Variants in RXRA observed in about 807,000 individuals in gnomAD.
RXRA encodes retinoid X receptor alpha.
A neutral mutation model predicts 44.5 loss-of-function variants in RXRA; 5 were observed. The observed-to-expected ratio is 0.11, with a 90% CI of 0.06 to 0.24. The LOEUF (loss-of-function observed/expected upper bound fraction) is 0.24. Ranked by LOEUF, RXRA falls within the 10% of genes least tolerant of loss-of-function variation. The probability of loss-of-function intolerance (pLI) is 1.00; values close to 1 mark genes in which losing one functional copy is unlikely to be tolerated. For synonymous variants in RXRA, 291 were observed against 271.4 expected (o/e 1.07, Z -0.71); for missense variants, 412 against 646.5 (o/e 0.64, Z 3.93).
intron 4 of RXRA, among the ~76,000 whole-genome samples, chr9:134,413,808 T>A (rs1483399262): frequency 1.3e-5 from 2 of 152,144 alleles, no homozygotes; most frequent in African/African-American, 4.8e-5. Context: ...CTAGGCCAGC[T>A]TGTCTCTGGG....
intron 1 of RXRA, among the ~76,000 whole-genome samples, chr9:134,395,600 C>T (rs1461852023): frequency 3.3e-5 from 5 of 152,224 alleles, no homozygotes; most frequent in Admixed American, 2.0e-4. Flanking sequence ...TTCTGGGGCA[C>T]CCCTGGCTCA....
At chr9:134,425,735 G>C (rs1293009209) in intron 6 of RXRA, 1 of 985,260 alleles carries the variant, frequency 1.0e-6, no homozygotes, top group Non-Finnish European at 1.2e-6. Flanking sequence ...CACAGGGTAA[G>C]CCAGGCTGGG....
intron 1 of RXRA, among the ~76,000 whole-genome samples, chr9:134,396,248 C>T: frequency 6.6e-6 from 1 of 152,174 alleles, no homozygotes; most frequent in East Asian, 1.9e-4. Flanking sequence ...GCCCGCCCCA[C>T]CCTAGTTCCT....
intron 6 of RXRA, 39 bp from the exon 7 acceptor site, chr9:134,429,069 G>A (rs749908153): frequency 1.1e-5 from 18 of 1,611,174 alleles, no homozygotes; most frequent in Non-Finnish European, 5.1e-6. Context: ...GCCCCGTGGG[G>A]CCTGGAGACA....
chr9:134,430,851 G>A (rs1287986792), intron 7 of RXRA, among the ~76,000 whole-genome samples: 1 of 152,224 alleles, frequency 6.6e-6, no homozygotes, highest in Non-Finnish European at 1.5e-5. Flanking sequence ...AGAGGCCCCG[G>A]CATTTCCTCG....
chr9:134,374,711 C>A (rs1830531536), intron 1 of RXRA, among the ~76,000 whole-genome samples: 1 of 152,248 alleles, frequency 6.6e-6, no homozygotes, highest in African/African-American at 2.4e-5. Context: ...TGCCTCCTGG[C>A]GACTTCCTTC....
chr9:134,390,942 C>T (rs1588282369), intron 1 of RXRA, among the ~76,000 whole-genome samples: 1 of 152,176 alleles, frequency 6.6e-6, no homozygotes, highest in Non-Finnish European at 1.5e-5. Context: ...AAAGCCGGCA[C>T]CAGCTGGAGA....
At chr9:134,387,854 T>C (rs1322483244) in intron 1 of RXRA, among the ~76,000 whole-genome samples, 3 of 152,098 alleles carry the variant, frequency 2.0e-5, no homozygotes, top group African/African-American at 7.2e-5. Context: ...CTGTCTGGAG[T>C]GATCGTGAAG....
At chr9:134,380,649 C>G (rs565344883) in intron 1 of RXRA, among the ~76,000 whole-genome samples, 1 of 152,172 alleles carries the variant, frequency 6.6e-6, no homozygotes, top group African/African-American at 2.4e-5. Context: ...CAGGCCTTGG[C>G]CCTCCTATTG....
rs1044326432 is a variant in RXRA at position 134,366,264 on chromosome 9, C to A, written c.29-35368C>A. 2.3e-4 allele frequency among the ~76,000 whole-genome samples: 35 copies of A among 152,064 alleles called. No homozygotes were observed. Among genetic ancestry groups the A allele is most frequent in the African/African-American group, 8.0e-4 (33 of 41,394 alleles). On this transcript the variant is annotated intron_variant, in intron 1 of 9. Coordinates refer to ENST00000481739, the MANE Select transcript of RXRA (RefSeq NM_002957.6). This position sits in a 1 kb window ranked among gnomAD's most constrained non-coding sequence, Gnocchi z 5.9. ...GCACAGGTGCCCGCTGGGTGGTCTC[C>A]CATGTGTGCCCAGGAGGAGTGCCAC...
chr9:134,338,424 A>G (rs955831616), intron 1 of RXRA, among the ~76,000 whole-genome samples: 1 of 152,242 alleles, frequency 6.6e-6, no homozygotes, highest in Non-Finnish European at 1.5e-5. Flanking sequence ...ACGGGCCTCC[A>G]GCCCAAGTGG....
At chr9:134,418,406 G>A (rs1470422170) in intron 5 of RXRA, among the ~76,000 whole-genome samples, 2 of 152,150 alleles carry the variant, frequency 1.3e-5, no homozygotes, top group African/African-American at 4.8e-5. Context: ...GTTTGGGGCT[G>A]GGACCAGAGC....
rs954981126 is a variant in RXRA, at chr9:134,439,880, A to G, written c.*3266A>G. 2 of 152,410 alleles carry G rather than the reference A, an allele frequency of 1.3e-5. No individual in the cohort carries two copies. Among genetic ancestry groups the G allele is most frequent in the East Asian group, 1.9e-4 (1 of 5,198 alleles). 9.4% of individuals were successfully genotyped at this position (152,410 alleles called of 1,614,324 possible). On this transcript the variant is annotated 3_prime_UTR_variant, in exon 10 of 10. Transcript: ENST00000481739. ...AAATTTGCTTCGTGTAAGCAAGTAC[A>G]TAAGGACCCTCCTTTGGTGAAATCC...
rs535418674 is a variant in RXRA, at chr9:134,382,342, C to T, written c.29-19290C>T. 9.2e-5 allele frequency among the ~76,000 whole-genome samples: 14 copies of T among 152,070 alleles called. No individual in the cohort carries two copies. In the East Asian group the frequency reaches 2.7e-3, roughly 29 times the overall value. ...CTCTGGCTGGGACCCAAGCTCAGGCCTTTAGCACCTTGGCTGGGAGGAGTG... is the reference window on the plus strand; with the variant it reads ...CTCTGGCTGGGACCCAAGCTCAGGCTTTTAGCACCTTGGCTGGGAGGAGTG... On this transcript the variant is annotated intron_variant, in intron 1 of 9. Transcript: ENST00000481739.
intron 1 of RXRA, among the ~76,000 whole-genome samples, chr9:134,358,965 C>T (rs144734368): frequency 2.6e-5 from 4 of 152,164 alleles, no homozygotes; most frequent in African/African-American, 4.8e-5. Context: ...TTAAGCGTTG[C>T]GCCCACTCCT....
chr9:134,405,352 T>C (rs1831032906), intron 2 of RXRA: 1 of 152,266 alleles, frequency 6.6e-6, no homozygotes, highest in East Asian at 1.9e-4. Context: ...TCTTCTCAGA[T>C]GTGCAGAGGC....
At chr9:134,429,067 G>A in intron 6 of RXRA, 41 bp from the exon 7 acceptor site, 2 of 1,609,370 alleles carry the variant, frequency 1.2e-6, no homozygotes, top group South Asian at 2.2e-5. Flanking sequence ...GAGCCCCGTG[G>A]GGCCTGGAGA....
chr9:134,398,373 A>ACG (rs1554754070), intron 1 of RXRA, among the ~76,000 whole-genome samples: 6 of 33,936 alleles, frequency 1.8e-4, no homozygotes, highest in African/African-American at 6.3e-4. Context: ...CAGAGCCCAC[A>ACG]CACGGGGCCC....
At chr9:134,374,917 C>T (rs1487359508) in intron 1 of RXRA, among the ~76,000 whole-genome samples, 2 of 152,194 alleles carry the variant, frequency 1.3e-5, no homozygotes, top group African/African-American at 4.8e-5. Context: ...GTACTTGGCA[C>T]CTGCTATGTG....
Sources: gnomAD v4.1 joint callset for allele counts (sites outside exome capture counted in the v4.1 genomes callset) on GRCh38, gnomAD v4.1.1 for gene constraint, Gnocchi (gnomAD v3.1) non-coding constraint, MANE v1.5 for transcripts, NCBI Gene and HGNC (gene_info 2026-07-23, HGNC 2026-07-21) for gene names.